The following PPP1R16A variants were observed in gnomAD, a reference collection of about 807,000 sequenced individuals.
The protein encoded by PPP1R16A is protein phosphatase 1 regulatory subunit 16A.
A neutral mutation model predicts 46.6 loss-of-function variants in PPP1R16A; 39 were observed. The ratio of observed to expected loss-of-function variants is 0.84; its 90% CI spans 0.65 to 1.09. The LOEUF is 1.09. Among genes scored for constraint, PPP1R16A ranks in the 50% least tolerant of loss-of-function variants. The pLI is 0.00. For synonymous variants in PPP1R16A, 413 were observed against 321.5 expected (o/e 1.28, Z -3.04); for missense variants, 798 against 735.6 (o/e 1.08, Z -0.98).
At chr8:144,490,505 C>CAA (rs11337640) in intron 2 of PPP1R16A, among the ~76,000 whole-genome samples, 1 of 141,552 alleles carries the variant, frequency 7.1e-6, no homozygotes, top group Non-Finnish European at 1.5e-5. Flanking sequence ...GACCCTGTCT[C>CAA]AAAAAAAAAA....
chr8:144,489,625 C>T (rs1164066459), intron 1 of PPP1R16A, among the ~76,000 whole-genome samples: 1 of 152,122 alleles, frequency 6.6e-6, no homozygotes, highest in Non-Finnish European at 1.5e-5. Flanking sequence ...CCAGAGCCTC[C>T]TCTTCTGCCC....
In PPP1R16A at chr8:144,500,521, C is replaced by T. The variant is rs372387867; in HGVS notation, c.740C>T (p.Ala247Val). The change falls in exon 8 of 12, where the codon GCG becomes GTG. Residue 247 changes from alanine (A) to valine (V), a missense_variant. By Grantham distance (64) the Ala-to-Val change is moderately conservative (BLOSUM62 0). Transcript: ENST00000435887. ...HVAAANGFSE[A>V]AALLLEHRAS... The stretch of plus-strand genomic sequence containing the variant: ...GCAGCCGCCAACGGGTTCAGCGAGG[C>T]GGCTGCCCTGCTGCTGGAACACCGA... The T allele has an allele frequency of 1.4e-4, 223 of 1,591,066 alleles. No individual in the cohort carries two copies. Among genetic ancestry groups the T allele is most frequent in the Non-Finnish European group, 1.8e-4 (217 of 1,176,702 alleles).
At chr8:144,487,167 C>G (rs1825652349) in intron 1 of PPP1R16A, among the ~76,000 whole-genome samples, 1 of 151,838 alleles carries the variant, frequency 6.6e-6, no homozygotes, top group Admixed American at 6.6e-5. Context: ...TTTTGTATTT[C>G]TAGTAGAGAC....
chr8:144,501,114 C>T lies in PPP1R16A; in HGVS notation c.1038-15C>T. ...ACTCCCCTTCCCCTCACTCCCTCTCCTCTCTCCTCCCCAGGAAGGTGGTGA... is the reference window on the plus strand; with the variant it reads ...ACTCCCCTTCCCCTCACTCCCTCTCTTCTCTCCTCCCCAGGAAGGTGGTGA... On this transcript the variant is annotated splice_polypyrimidine_tract_variant and intron_variant, in intron 10 of 11. Coordinates refer to ENST00000435887, the MANE Select transcript of PPP1R16A (RefSeq NM_001329443.2). 6.2e-7 allele frequency: 1 copy of T among 1,609,748 alleles called. No homozygotes were observed. Among genetic ancestry groups the T allele is most frequent in the Non-Finnish European group, 8.5e-7 (1 of 1,179,400 alleles).
intron 2 of PPP1R16A, among the ~76,000 whole-genome samples, chr8:144,492,788 C>T (rs1825870691): frequency 6.6e-6 from 1 of 152,184 alleles, no homozygotes; most frequent in South Asian, 2.1e-4. Context: ...TTCTCTGAGA[C>T]TCTTCCTTCC....
rs371303972 is a variant in PPP1R16A at position 144,501,744 on chromosome 8, C to T, written c.1428C>T (p.Pro476=). ...TGCAGCGACCCCCACCTGAGGGGCC[C>T]GAGAGCCCTGAGACAGCTGAGCCTG... ...AKLQRPPPEG[P]ESPETAEPGL... is the part of the protein sequence containing the mutation. The change falls in exon 12 of 12, where the codon CCC becomes CCT. Residue 476 remains proline (P), a synonymous_variant. Transcript: ENST00000435887. 223 of 1,576,234 alleles carry T rather than the reference C, an allele frequency of 1.4e-4. 1 individual carries two copies. The highest frequency in any genetic ancestry group is 3.3e-4 in the East Asian group (14 of 42,048).
intron 2 of PPP1R16A, among the ~76,000 whole-genome samples, chr8:144,494,123 C>T (rs1204270417): frequency 6.6e-6 from 1 of 152,134 alleles, no homozygotes. Flanking sequence ...TTTAATTTCT[C>T]TTACATTAAT....
At chr8:144,491,546 G>A (rs916039226) in intron 2 of PPP1R16A, among the ~76,000 whole-genome samples, 9 of 152,240 alleles carry the variant, frequency 5.9e-5, no homozygotes, top group African/African-American at 1.4e-4. Context: ...AGCAGATCAC[G>A]AGGTCAGGAG....
chr8:144,487,415 A>G (rs1825660310), intron 1 of PPP1R16A, among the ~76,000 whole-genome samples: 1 of 151,840 alleles, frequency 6.6e-6, no homozygotes, highest in Non-Finnish European at 1.5e-5. Flanking sequence ...TCTGTCCCCC[A>G]GGCTGGAGTG....
intron 2 of PPP1R16A, among the ~76,000 whole-genome samples, chr8:144,491,579 C>G (rs1408772720): frequency 6.6e-6 from 1 of 151,954 alleles, no homozygotes; most frequent in Non-Finnish European, 1.5e-5. Context: ...CTGGCTAACA[C>G]GGTGAAACCC....
At chr8:144,499,603 T>G in intron 5 of PPP1R16A, 1 of 182,336 alleles carries the variant, frequency 5.5e-6, no homozygotes, top group Non-Finnish European at 1.1e-5. Context: ...GGCGGTCGCG[T>G]CACACACAGG....
In PPP1R16A at chr8:144,496,969, G is replaced by C; in HGVS notation, c.-226G>C. Reference sequence around the variant, plus strand: ...GGCTGGCCTGGGGAGCAGGTTTGGGGTGCCCTCCCACACTGCCCTCCCTGC... The same window carrying C: ...GGCTGGCCTGGGGAGCAGGTTTGGGCTGCCCTCCCACACTGCCCTCCCTGC... On this transcript the variant is annotated 5_prime_UTR_variant, in exon 3 of 12. Coordinates refer to ENST00000435887, the MANE Select transcript of PPP1R16A (RefSeq NM_001329443.2). 4 of 612,958 alleles carry C rather than the reference G, an allele frequency of 6.5e-6. No individual in the cohort carries two copies. The highest frequency in any genetic ancestry group is 5.9e-5 in the Admixed American group (2 of 33,642). The allele number at this position is 612,958 out of a possible 1,614,324, so 38.0% of individuals were successfully genotyped here. A position where few individuals can be genotyped will look rare whatever the true frequency, so the allele number is the denominator to read the frequency against.
chr8:144,485,589 C>T (rs1459498613), intron 1 of PPP1R16A, among the ~76,000 whole-genome samples: 1 of 152,014 alleles, frequency 6.6e-6, no homozygotes, highest in East Asian at 1.9e-4. Flanking sequence ...CTCAGAGATC[C>T]CTTGTAGACT....
In PPP1R16A at chr8:144,500,136, C is replaced by G. The variant is rs776813409; in HGVS notation, c.517C>G (p.Pro173Ala). 1.9e-6 allele frequency: 3 copies of G among 1,612,234 alleles called. No homozygotes were observed. The South Asian group carries it at 3.3e-5, about 18-fold the overall frequency. Residue 173 changes from proline (P) to alanine (A), a missense_variant, in exon 6 of 12, where the codon CCC (proline) becomes GCC (alanine). By Grantham distance (27) the Pro-to-Ala change is conservative. Coordinates refer to ENST00000435887, the MANE Select transcript of PPP1R16A (RefSeq NM_001329443.2). ...LLAVNTDGNM[P>A]YDLCDDEQTL... ...GGCGGTCAACACCGACGGGAACATG[C>G]CCTATGACCTGTGTGATGATGAGCA...
Position 144,501,598 on chromosome 8 carries a change from C to A in PPP1R16A, c.1282C>A (p.Leu428Ile). 1 of 1,607,678 alleles carries A rather than the reference C, an allele frequency of 6.2e-7. No individual in the cohort carries two copies. The highest frequency in any genetic ancestry group is 8.5e-7 in the Non-Finnish European group (1 of 1,177,662). Residue 428 changes from leucine to isoleucine, a missense_variant, in exon 12 of 12, where the codon CTA (leucine) becomes ATA (isoleucine). By Grantham distance (5) the Leu-to-Ile change is conservative. Coordinates refer to ENST00000435887, the MANE Select transcript of PPP1R16A (RefSeq NM_001329443.2). Reference sequence around the variant, plus strand: ...AGTGCGGCATCTATACTCCAAGCGACTAGACCGGAGTGTCTCCTACCAGCT... The same window carrying A: ...AGTGCGGCATCTATACTCCAAGCGAATAGACCGGAGTGTCTCCTACCAGCT... ...SPVRHLYSKR[L>I]DRSVSYQLSP...
Position 144,500,520 on chromosome 8 carries a change from G to A in PPP1R16A, c.739G>A (p.Ala247Thr). 2.5e-6 allele frequency: 4 copies of A among 1,591,340 alleles called. No homozygotes were observed. The Admixed American group carries it at 5.1e-5, about 20-fold the overall frequency. Residue 247 changes from alanine to threonine, a missense_variant, in exon 8 of 12, where the codon GCG (alanine) becomes ACG (threonine). Coordinates refer to ENST00000435887, the MANE Select transcript of PPP1R16A (RefSeq NM_001329443.2). ...HVAAANGFSE[A>T]AALLLEHRAS... ...CGCAGCCGCCAACGGGTTCAGCGAG[G>A]CGGCTGCCCTGCTGCTGGAACACCG...
At chr8:144,485,379 C>T (rs1825596670) in intron 1 of PPP1R16A, among the ~76,000 whole-genome samples, 2 of 151,496 alleles carry the variant, frequency 1.3e-5, no homozygotes, top group Non-Finnish European at 1.5e-5. Flanking sequence ...AAAAAATTAG[C>T]CAGGCGTGGT....
rs535844929 is a variant in PPP1R16A at position 144,500,338 on chromosome 8, C to A, written c.652C>A (p.Arg218=). The A allele has an allele frequency of 7.8e-6, 12 of 1,537,070 alleles. No individual in the cohort carries two copies. In the African/African-American group the frequency reaches 1.6e-4, roughly 21 times the overall value. Residue 218 remains arginine, a synonymous_variant, in exon 7 of 12, where the codon CGG becomes AGG. Transcript: ENST00000435887. Reference sequence around the variant, plus strand: ...GCGCATGCTGGACGACATCCGGAGCCGGCTGCAGGCCGGGGCAGACCTCCA... The same window carrying A: ...GCGCATGCTGGACGACATCCGGAGCAGGCTGCAGGCCGGGGCAGACCTCCA... ...ELRMLDDIRS[R]LQAGADLHAP...
chr8:144,497,486 C>G (rs772014519), intron 3 of PPP1R16A, 33 bp downstream of exon 3: 83 of 1,609,330 alleles, frequency 5.2e-5, no homozygotes, highest in Non-Finnish European at 5.3e-5. Context: ...CAGCTCCCAG[C>G]AGACGGCCCA....
Sources: allele counts gnomAD v4.1 joint callset (sites outside exome capture counted in the v4.1 genomes callset), GRCh38; gene constraint gnomAD v4.1.1; transcripts MANE v1.5; gene names NCBI Gene and HGNC (gene_info 2026-07-23, HGNC 2026-07-21).